FSIP1: variants seen among roughly 807,000 people sequenced by gnomAD.
FSIP1 encodes the protein fibrous sheath-interacting protein 1.
A neutral mutation model predicts 60.9 loss-of-function variants in FSIP1; 65 were observed. That is an observed-to-expected ratio of 1.07 (90% CI 0.87 to 1.31). The LOEUF is 1.31. FSIP1 is among the 40% of genes most tolerant of loss of function. The probability of loss-of-function intolerance (pLI) is 0.00; values close to 1 mark genes in which losing one functional copy is unlikely to be tolerated. For missense variants in FSIP1, 675 were observed against 665.5 expected, an observed-to-expected ratio of 1.01 and a Z score of -0.16; for synonymous variants, 209 against 221.2, an observed-to-expected ratio of 0.94 and a Z score of 0.49.
chr15:39,770,595 T>G lies in FSIP1; in HGVS notation c.142A>C (p.Asn48His). ...TGGTCCTCTTTACCAGAGTTCAAGTTGCTTGCAGTATCGACCTAAAAATAA... is the reference window on the plus strand; with the variant it reads ...TGGTCCTCTTTACCAGAGTTCAAGTGGCTTGCAGTATCGACCTAAAAATAA... ...PGSFKVDTAS[N>H]LNSGKEDHSE... The change falls in exon 3 of 12, where the codon AAC (asparagine) becomes CAC (histidine). Residue 48 changes from asparagine to histidine, a missense_variant. Transcript: ENST00000350221. 6.5e-7 allele frequency: 1 copy of G among 1,531,038 alleles called. No individual in the cohort carries two copies. The highest frequency in any genetic ancestry group is 8.7e-7 in the Non-Finnish European group (1 of 1,143,682). 94.8% of individuals were successfully genotyped at this position (1,531,038 alleles called of 1,614,324 possible).
chr15:39,776,527 A>G lies in FSIP1; in HGVS notation c.-3T>C. On this transcript the variant is annotated 5_prime_UTR_variant, in exon 2 of 12. Transcript: ENST00000350221. ...AGGTTTCCCTTTATAATATCCATTG[A>G]AATCCTGAAACAACAAATAAAATAT... The G allele has an allele frequency of 6.2e-7, 1 of 1,600,368 alleles. No homozygotes were observed. Among genetic ancestry groups the G allele is most frequent in the East Asian group, 2.2e-5 (1 of 44,812 alleles).
rs142623104 is a variant in FSIP1, at chr15:39,725,600, T to A, written c.1050+989A>T. The stretch of plus-strand genomic sequence containing the variant: ...GGATGGTCCACAAAGATCATGGTCA[T>A]CTACAATTGTAGAGAAAATGATTTG... On this transcript the variant is annotated intron_variant, in intron 9 of 11. Coordinates refer to ENST00000350221, the MANE Select transcript of FSIP1 (RefSeq NM_152597.5). Among the ~76,000 whole-genome samples, 302 of 152,346 alleles carry A rather than the reference T, an allele frequency of 2.0e-3. 1 individual carries two copies. Among genetic ancestry groups the A allele is most frequent in the African/African-American group, 6.9e-3 (287 of 41,582 alleles).
At chr15:39,770,877 T>C (rs1350817285) in intron 2 of FSIP1, among the ~76,000 whole-genome samples, 1 of 152,218 alleles carries the variant, frequency 6.6e-6, no homozygotes, top group Non-Finnish European at 1.5e-5. Flanking sequence ...AACTGCTATC[T>C]GCCGGGCTCT....
At chr15:39,693,725 T>C (rs575231852) in intron 10 of FSIP1, among the ~76,000 whole-genome samples, 5 of 151,690 alleles carry the variant, frequency 3.3e-5, no homozygotes, top group South Asian at 2.1e-4. Context: ...AACTGAGGAG[T>C]TGTAATCAAA....
At chr15:39,773,283 G>C (rs1897949002) in intron 2 of FSIP1, among the ~76,000 whole-genome samples, 1 of 152,218 alleles carries the variant, frequency 6.6e-6, no homozygotes, top group South Asian at 2.1e-4. Flanking sequence ...TCAGCAGTCA[G>C]CATACAATAT....
chr15:39,620,768 A>ATATG (rs1334709942), intron 10 of FSIP1, among the ~76,000 whole-genome samples: 1 of 148,830 alleles, frequency 6.7e-6, no homozygotes, highest in African/African-American at 2.5e-5. Context: ...ATATATATAT[A>ATATG]TATATATTTA....
At chr15:39,746,267 C>G (rs1896990248) in intron 5 of FSIP1, among the ~76,000 whole-genome samples, 1 of 151,976 alleles carries the variant, frequency 6.6e-6, no homozygotes, top group African/African-American at 2.4e-5. Context: ...AGCGCAGGGG[C>G]AGACTTAGAT....
intron 1 of FSIP1, among the ~76,000 whole-genome samples, chr15:39,780,376 T>A (rs1898217296): frequency 6.6e-6 from 1 of 152,016 alleles, no homozygotes; most frequent in East Asian, 1.9e-4. Context: ...TACAAAAAAA[T>A]TAGCCGGGAG....
intron 9 of FSIP1, among the ~76,000 whole-genome samples, chr15:39,717,889 T>C (rs1895802264): frequency 6.6e-6 from 1 of 152,226 alleles, no homozygotes; most frequent in South Asian, 2.1e-4. Context: ...ATGCCAACTT[T>C]TCTCAGATTG....
chr15:39,619,061 C>T (rs1180928267), intron 10 of FSIP1, among the ~76,000 whole-genome samples: 1 of 152,018 alleles, frequency 6.6e-6, no homozygotes, highest in Non-Finnish European at 1.5e-5. Context: ...ACAAGAAGTC[C>T]CCATAAGAAA....
intron 2 of FSIP1, among the ~76,000 whole-genome samples, chr15:39,770,901 C>T (rs1395172464): frequency 3.9e-5 from 6 of 152,190 alleles, no homozygotes; most frequent in Non-Finnish European, 5.9e-5. Flanking sequence ...ATAAGGCAGA[C>T]GGGCCTGCTC....
At chr15:39,752,476 G>T (rs910752947) in intron 5 of FSIP1, among the ~76,000 whole-genome samples, 10 of 151,930 alleles carry the variant, frequency 6.6e-5, no homozygotes, top group Non-Finnish European at 1.2e-4. Flanking sequence ...TAATAGCAAT[G>T]TTATGTTAAT....
intron 10 of FSIP1, among the ~76,000 whole-genome samples, chr15:39,667,481 T>G (rs534949588): frequency 9.9e-4 from 151 of 152,278 alleles, no homozygotes; most frequent in Non-Finnish European, 1.2e-3. Context: ...TGTGACCCTT[T>G]TAAGCCCTTT....
intron 10 of FSIP1, among the ~76,000 whole-genome samples, chr15:39,651,563 T>C (rs1892869761): frequency 6.6e-6 from 1 of 152,238 alleles, no homozygotes; most frequent in South Asian, 2.1e-4. Flanking sequence ...GCTTATTTCA[T>C]AGAGTTGTCC....
At chr15:39,647,993 G>C (rs555927990) in intron 10 of FSIP1, among the ~76,000 whole-genome samples, 1 of 140,786 alleles carries the variant, frequency 7.1e-6, no homozygotes, top group Admixed American at 7.5e-5. Context: ...ACATGAAGGG[G>C]AATATCACAC....
chr15:39,681,994 T>C (rs1352290181), intron 10 of FSIP1, among the ~76,000 whole-genome samples: 1 of 152,226 alleles, frequency 6.6e-6, no homozygotes, highest in African/African-American at 2.4e-5. Flanking sequence ...AGGATTTTTT[T>C]TAAATGTTGG....
At chr15:39,689,082 T>G (rs1174818529) in intron 10 of FSIP1, among the ~76,000 whole-genome samples, 1 of 152,104 alleles carries the variant, frequency 6.6e-6, no homozygotes, top group Non-Finnish European at 1.5e-5. Flanking sequence ...GATCCACTCT[T>G]CAGGTTCAAC....
chr15:39,600,073 G>T lies in FSIP1; in HGVS notation c.*807C>A, dbSNP rs1452282799. 1 of 152,098 alleles carries T rather than the reference G, an allele frequency of 6.6e-6. No homozygotes were observed. The highest frequency in any genetic ancestry group is 2.4e-5 in the African/African-American group (1 of 41,408). 9.4% of individuals were successfully genotyped at this position (152,098 alleles called of 1,614,324 possible). A position where few individuals can be genotyped will look rare whatever the true frequency, so the allele number is the denominator to read the frequency against. ...AAATTTTATTAAAGGCAGCACAATAGCCCGCTCATTTTTTGATTCAGAAAT... is the reference window on the plus strand; with the variant it reads ...AAATTTTATTAAAGGCAGCACAATATCCCGCTCATTTTTTGATTCAGAAAT... On this transcript the variant is annotated 3_prime_UTR_variant, in exon 12 of 12. Transcript: ENST00000350221.
chr15:39,723,535 G>T (rs981989296), intron 9 of FSIP1, among the ~76,000 whole-genome samples: 2 of 152,166 alleles, frequency 1.3e-5, no homozygotes, highest in African/African-American at 4.8e-5. Context: ...AGCCTGAAGT[G>T]AGACTTTTTT....
Sources: gnomAD v4.1 joint callset for allele counts (sites outside exome capture counted in the v4.1 genomes callset) on GRCh38, gnomAD v4.1.1 for gene constraint, MANE v1.5 for transcripts, NCBI Gene and HGNC (gene_info 2026-07-23, HGNC 2026-07-21) for gene names.